CRNKL1: variants seen among roughly 807,000 people sequenced by gnomAD.
CRNKL1 encodes the protein crooked neck pre-mRNA splicing factor 1, also known as crooked neck-like protein 1.
In CRNKL1, 35 loss-of-function variants were observed where a neutral mutation model predicts 103.7. The observed-to-expected ratio is 0.34, with a 90% confidence interval of 0.26 to 0.45. CRNKL1 has a LOEUF of 0.45. CRNKL1 is among the 20% of genes least tolerant of loss of function. The pLI is 1.00. For synonymous variants in CRNKL1, 267 were observed against 282.6 expected (o/e 0.94, Z 0.55); for missense variants, 645 against 836.0 (o/e 0.77, Z 2.82).
chr20:20,043,743 T>C (rs551536615), intron 6 of CRNKL1, 81 bp from the exon 7 acceptor site: 9 of 1,338,766 alleles, frequency 6.7e-6, no homozygotes, highest in South Asian at 5.5e-5. Flanking sequence ...TATAACAAAA[T>C]ATTACTTATA....
At chr20:20,048,311 T>C (rs1171741973) in intron 4 of CRNKL1, 32 bp downstream of exon 4, 4 of 1,612,006 alleles carry the variant, frequency 2.5e-6, no homozygotes, top group Middle Eastern at 3.3e-4. Context: ...TGCTAGTCTA[T>C]AAAAGGCTGT....
rs762928396 is a variant in CRNKL1, at chr20:20,047,778, G to T, written c.609C>A (p.Thr203=). The part of the protein sequence containing the change: ...LRYKEVDRAR[T]IYERFVLVHP... The stretch of plus-strand genomic sequence containing the variant: ...TCCAAAGGATATATCGCTCATAAAT[G>T]GTGCGGGCCCGATCCACCTCTTTGT... The change falls in exon 5 of 14, where the codon ACC becomes ACA. Residue 203 remains threonine (T), a synonymous_variant. Transcript: ENST00000536226. 207 of 1,614,124 alleles carry T rather than the reference G, an allele frequency of 1.3e-4. 2 individuals carry two copies. The Admixed American group carries it at 3.4e-3, about 27-fold the overall frequency.
At chr20:20,055,832 G>T, upstream of CRNKL1, 1 of 764,802 alleles carries the variant, frequency 1.3e-6, no homozygotes, top group Non-Finnish European at 2.3e-6. Context: ...GAGCTCACTG[G>T]CTAGTATATA....
In CRNKL1 at chr20:20,036,335, CA is replaced by C; in HGVS notation, c.1923del (p.Phe641LeufsTer62). The C allele has an allele frequency of 6.2e-7, 1 of 1,614,064 alleles. No individual in the cohort carries two copies. Among genetic ancestry groups the C allele is most frequent in the Non-Finnish European group, 8.5e-7 (1 of 1,179,992 alleles). On this transcript the variant is annotated frameshift_variant, in exon 14 of 14. Transcript: ENST00000536226. LOFTEE classifies it high-confidence loss of function. ...GCAGCATCTTCTGGAAAGATGTAAT[CA>C]AAGTATTCTTCCCAGCCTGCATCAG... ...DGSDAGWEEY[F>X]DYIFPEDAAN...
rs1212792499 is a variant in CRNKL1, at chr20:20,045,315, T to C, written c.794A>G (p.Gln265Arg). ...YVAFAKFEEN[Q>R]KEFERVRVIY... ...GAAGTTAGGTATACTTACCTCTTTCTGATTTTCTTCAAACTTGGCAAAGGC... is the reference window on the plus strand; with the variant it reads ...GAAGTTAGGTATACTTACCTCTTTCCGATTTTCTTCAAACTTGGCAAAGGC... Residue 265 changes from glutamine (Q) to arginine (R), a missense_variant, in exon 6 of 14, where the codon CAG becomes CGG. By Grantham distance (43) the Gln-to-Arg change is conservative. Coordinates refer to ENST00000536226, the MANE Select transcript of CRNKL1 (RefSeq NM_001278628.2). 6.2e-7 allele frequency: 1 copy of C among 1,610,056 alleles called. No individual in the cohort carries two copies. Among genetic ancestry groups the C allele is most frequent in the Admixed American group, 1.7e-5 (1 of 59,644 alleles).
At chr20:20,044,631 T>C (rs764148981) in intron 6 of CRNKL1, among the ~76,000 whole-genome samples, 21 of 152,190 alleles carry the variant, frequency 1.4e-4, no homozygotes, top group Non-Finnish European at 2.8e-4. Context: ...ACTCCCTTTT[T>C]TTTTAAGAAA....
In CRNKL1 at chr20:20,042,506, T is replaced by C; in HGVS notation, c.983A>G (p.His328Arg). ...GTAATCAAACCATGCATCATAATTG[T>C]GTGGATTCGCCTAGAAAGACAACCA... ...QYEEEVKANP[H>R]NYDAWFDYLR... The change falls in exon 8 of 14, where the codon CAC (histidine) becomes CGC (arginine). Residue 328 changes from histidine (H) to arginine (R), a missense_variant. Coordinates refer to ENST00000536226, the MANE Select transcript of CRNKL1 (RefSeq NM_001278628.2). 1 of 1,606,358 alleles carries C rather than the reference T, an allele frequency of 6.2e-7. No individual in the cohort carries two copies. The highest frequency in any genetic ancestry group is 1.1e-5 in the South Asian group (1 of 89,542).
upstream of CRNKL1, among the ~76,000 whole-genome samples, chr20:20,053,449 T>C (rs2043937037): frequency 6.6e-6 from 1 of 152,202 alleles, no homozygotes; most frequent in African/African-American, 2.4e-5. Flanking sequence ...CCAAAGTTCA[T>C]AGTTTATATT....
At chr20:20,045,848 G>T (rs923015710) in intron 5 of CRNKL1, among the ~76,000 whole-genome samples, 1 of 152,186 alleles carries the variant, frequency 6.6e-6, no homozygotes, top group African/African-American at 2.4e-5. Context: ...AATAATGCCA[G>T]CCTCACTGGA....
intron 1 of CRNKL1, 120 bp downstream of exon 1, chr20:20,052,172 C>A: frequency 1.2e-6 from 1 of 863,510 alleles, no homozygotes; most frequent in Admixed American, 2.9e-5. Flanking sequence ...CCTTCCTCTC[C>A]ATCTCTCAGG....
intron 6 of CRNKL1, among the ~76,000 whole-genome samples, chr20:20,044,608 C>T (rs2146494594): frequency 6.6e-6 from 1 of 152,232 alleles, no homozygotes; most frequent in South Asian, 2.1e-4. Context: ...GATCTCAATT[C>T]TGTATTATTT....
intron 11 of CRNKL1, 121 bp downstream of exon 11, chr20:20,039,488 G>A: frequency 1.6e-6 from 2 of 1,233,516 alleles, no homozygotes; most frequent in Admixed American, 2.0e-5. Context: ...AATCTGAGTA[G>A]AAGAGACTAA....
chr20:20,036,257 G>T lies in CRNKL1; in HGVS notation c.2002C>A (p.Gln668Lys). Residue 668 changes from glutamine (Q) to lysine (K), a missense_variant, in exon 14 of 14, where the codon CAG becomes AAG. Coordinates refer to ENST00000536226, the MANE Select transcript of CRNKL1 (RefSeq NM_001278628.2). The part of the protein sequence containing the change: ...LAMAKLWKKQ[Q>K]QEKEDAEHHP... ...TGCTCAGCATCCTCCTTTTCCTGCTGCTGTTTCTTCCACAGTTTGGCCATG... is the reference window on the plus strand; with the variant it reads ...TGCTCAGCATCCTCCTTTTCCTGCTTCTGTTTCTTCCACAGTTTGGCCATG... 1 of 1,614,212 alleles carries T rather than the reference G, an allele frequency of 6.2e-7. No individual in the cohort carries two copies. The highest frequency in any genetic ancestry group is 8.5e-7 in the Non-Finnish European group (1 of 1,180,034).
At chr20:20,036,707 C>T (rs549565173) in intron 13 of CRNKL1, among the ~76,000 whole-genome samples, 5 of 152,372 alleles carry the variant, frequency 3.3e-5, no homozygotes, top group South Asian at 2.1e-4. Flanking sequence ...AAAAGCCATA[C>T]ATCTGTGCAT....
At chr20:20,053,420 A>T (rs976307822), upstream of CRNKL1, among the ~76,000 whole-genome samples, 3 of 152,176 alleles carry the variant, frequency 2.0e-5, no homozygotes, top group Admixed American at 6.5e-5. Context: ...TTGAACCTAC[A>T]TTGACACATC....
At chr20:20,053,748 T>G (rs990037345), upstream of CRNKL1, among the ~76,000 whole-genome samples, 1 of 152,164 alleles carries the variant, frequency 6.6e-6, no homozygotes, top group Admixed American at 6.5e-5. Flanking sequence ...TTTTCAAAAT[T>G]TAAATAGAGA....
chr20:20,041,025 G>A (rs946511020), intron 9 of CRNKL1, among the ~76,000 whole-genome samples: 2 of 152,220 alleles, frequency 1.3e-5, no homozygotes, highest in Non-Finnish European at 2.9e-5. Context: ...TCCAGATACT[G>A]TACTGTACTG....
upstream of CRNKL1, chr20:20,055,962 G>A (rs1458271018): frequency 1.9e-6 from 3 of 1,610,480 alleles, no homozygotes; most frequent in Middle Eastern, 1.7e-4. Flanking sequence ...TTTGTCAACA[G>A]CATTTCCCAA....
upstream of CRNKL1, among the ~76,000 whole-genome samples, chr20:20,054,013 G>GTTTTTTT (rs1239349657): frequency 3.4e-5 from 2 of 59,104 alleles, no homozygotes; most frequent in Admixed American, 1.8e-4. Context: ...TTTTTTGTTT[G>GTTTTTTT]TTTTTTTTTT....
Sources: allele counts gnomAD v4.1 joint callset (sites outside exome capture counted in the v4.1 genomes callset), GRCh38; gene constraint gnomAD v4.1.1; transcripts MANE v1.5; gene names NCBI Gene and HGNC (gene_info 2026-07-23, HGNC 2026-07-21).